Variants in GPR149 observed in about 807,000 individuals in gnomAD.
The protein encoded by GPR149 is G protein-coupled receptor 149, also known as probable G protein-coupled receptor 149.
In GPR149, 50 loss-of-function variants were observed where a neutral mutation model predicts 50.2. That is an observed-to-expected ratio of 1.00 (90% CI 0.79 to 1.26). The LOEUF is 1.26. Among genes scored for constraint, GPR149 ranks in the 50% most tolerant of loss-of-function variants. The probability of loss-of-function intolerance (pLI) is 0.00; values close to 1 mark genes in which losing one functional copy is unlikely to be tolerated. For synonymous variants in GPR149, 405 were observed against 358.2 expected (o/e 1.13, Z -1.48); for missense variants, 983 against 895.4 (o/e 1.10, Z -1.25).
intron 3 of GPR149, among the ~76,000 whole-genome samples, chr3:154,411,367 AACAAACAAAAAAAATTAAT>A (rs1711827402): frequency 6.6e-6 from 1 of 152,080 alleles, no homozygotes; most frequent in Non-Finnish European, 1.5e-5. Context: ...ATGAAATTGA[AACAAACAAAAAAAATTAAT>A]ACAAAAGATA....
intron 3 of GPR149, among the ~76,000 whole-genome samples, chr3:154,380,167 AG>A (rs1714885775): frequency 1.1e-3 from 2 of 1,840 alleles, no homozygotes; most frequent in African/African-American, 8.8e-3. Flanking sequence ...TGAGAGAGAC[AG>A]AGAGAGAGAG....
At chr3:154,400,748 A>G (rs1038482205) in intron 3 of GPR149, among the ~76,000 whole-genome samples, 1 of 152,256 alleles carries the variant, frequency 6.6e-6, no homozygotes, top group African/African-American at 2.4e-5. Flanking sequence ...TACGCAGTTA[A>G]TAAGAGTCAT....
chr3:154,335,060 GTT>G lies in GPR149; in HGVS notation c.*2637_*2638del, dbSNP rs1713622052. The G allele has an allele frequency of 6.6e-6, 1 of 151,856 alleles. No individual in the cohort carries two copies. Among genetic ancestry groups the G allele is most frequent in the African/African-American group, 2.4e-5 (1 of 41,362 alleles). 9.4% of individuals were successfully genotyped at this position (151,856 alleles called of 1,614,324 possible). On this transcript the variant is annotated 3_prime_UTR_variant, in exon 4 of 4. Transcript: ENST00000389740. The stretch of plus-strand genomic sequence containing the variant: ...AAGTCTTAGGGATTATATATTAGGT[GTT>G]TATACTATTTGGGAGTCTCGGGGAT...
intron 3 of GPR149, among the ~76,000 whole-genome samples, chr3:154,356,364 T>A (rs1247056624): frequency 1.3e-5 from 2 of 152,162 alleles, no homozygotes; most frequent in African/African-American, 4.8e-5. Context: ...TAAAGGGTAT[T>A]CAATCAGGAA....
chr3:154,350,201 TAAAAA>T (rs983292586), intron 3 of GPR149, among the ~76,000 whole-genome samples: 10 of 151,034 alleles, frequency 6.6e-5, no homozygotes, highest in African/African-American at 2.4e-4. Context: ...GTCTCAAAAA[TAAAAA>T]AGAAAAGAAA....
intron 3 of GPR149, among the ~76,000 whole-genome samples, chr3:154,417,758 T>C (rs1441727687): frequency 3.3e-5 from 5 of 151,996 alleles, no homozygotes; most frequent in Non-Finnish European, 7.4e-5. Context: ...AAGATAAAAA[T>C]GAAAGTCCTT....
chr3:154,342,784 G>GA lies in GPR149; in HGVS notation c.1624-4514dup, dbSNP rs1559968683. On this transcript the variant is annotated intron_variant, in intron 3 of 3. Transcript: ENST00000389740. ...GAATGCCCTCCATAAAACATAAACA[G>GA]AAAAAAACCCCAGCAGAAATAAAAA... Among the ~76,000 whole-genome samples the GA allele has an allele frequency of 4.6e-5, 7 of 151,874 alleles. No homozygotes were observed. In the South Asian group the frequency reaches 8.3e-4, roughly 18 times the overall value.
intron 3 of GPR149, among the ~76,000 whole-genome samples, chr3:154,397,102 T>G (rs1338306008): frequency 6.6e-6 from 1 of 152,068 alleles, no homozygotes; most frequent in African/African-American, 2.4e-5. Context: ...GAGCTTGAAT[T>G]TGAAATGGAA....
intron 3 of GPR149, among the ~76,000 whole-genome samples, chr3:154,388,867 GAA>G (rs758241751): frequency 0.084 from 12,206 of 145,560 alleles, 581 homozygotes; most frequent in East Asian, 0.19. Context: ...TCACACATAT[GAA>G]AAACACACAC....
chr3:154,341,292 C>CATATATATATATATATATAT (rs373212063), intron 3 of GPR149, among the ~76,000 whole-genome samples: 1 of 72,936 alleles, frequency 1.4e-5, no homozygotes, highest in Non-Finnish European at 2.5e-5. Flanking sequence ...AAAAATAAGA[C>CATATATATATATATATATAT]ATATATATAT....
chr3:154,425,539 GATA>G (rs1712267827), intron 2 of GPR149, among the ~76,000 whole-genome samples: 1 of 152,034 alleles, frequency 6.6e-6, no homozygotes, highest in Admixed American at 6.5e-5. Context: ...AGAATTTTCT[GATA>G]TCACAGCCTG....
At chr3:154,375,205 C>G (rs1273403668) in intron 3 of GPR149, among the ~76,000 whole-genome samples, 1 of 152,148 alleles carries the variant, frequency 6.6e-6, no homozygotes, top group African/African-American at 2.4e-5. Flanking sequence ...GAAACATTAC[C>G]TTCAAAAATT....
chr3:154,364,615 A>G (rs1211471164), intron 3 of GPR149, among the ~76,000 whole-genome samples: 1 of 152,254 alleles, frequency 6.6e-6, no homozygotes, highest in Non-Finnish European at 1.5e-5. Flanking sequence ...ATAGGCAAGA[A>G]GAAAGAAGTA....
At chr3:154,375,882 CCTGTTTTAG>C (rs1414880168) in intron 3 of GPR149, among the ~76,000 whole-genome samples, 1 of 152,150 alleles carries the variant, frequency 6.6e-6, no homozygotes, top group Non-Finnish European at 1.5e-5. Context: ...AAATTTGCTC[CCTGTTTTAG>C]CTGGAACATC....
chr3:154,359,080 A>G (rs890915857), intron 3 of GPR149, among the ~76,000 whole-genome samples: 4 of 152,198 alleles, frequency 2.6e-5, no homozygotes, highest in Admixed American at 2.0e-4. Flanking sequence ...CTATACGGGT[A>G]GTATGCATTA....
At position 154,404,054 on chromosome 3, in the gene GPR149, G is replaced by C. The variant is rs561554371; in HGVS notation, c.1623+16985C>G. Among the ~76,000 whole-genome samples, 3 of 152,342 alleles carry C rather than the reference G, an allele frequency of 2.0e-5. No individual in the cohort carries two copies. In the East Asian group the frequency reaches 5.8e-4, roughly 29 times the overall value. On this transcript the variant is annotated intron_variant, in intron 3 of 3. Transcript: ENST00000389740. ...GCAATTCTAGGATGTGTAACCAAGA[G>C]TGTCATTGCTGAAGCATAAGGCATG...
At chr3:154,346,989 G>T (rs1430506267) in intron 3 of GPR149, among the ~76,000 whole-genome samples, 1 of 152,122 alleles carries the variant, frequency 6.6e-6, no homozygotes, top group Non-Finnish European at 1.5e-5. Context: ...TGATCCTGCT[G>T]AATAAGAGCC....
intron 3 of GPR149, among the ~76,000 whole-genome samples, chr3:154,371,408 C>A (rs1408150348): frequency 1.6e-4 from 25 of 152,084 alleles, no homozygotes; most frequent in Non-Finnish European, 1.3e-4. Context: ...CTCCTTATAC[C>A]CCAATCTCGC....
chr3:154,359,436 A>G (rs1714327226), intron 3 of GPR149, among the ~76,000 whole-genome samples: 1 of 152,154 alleles, frequency 6.6e-6, no homozygotes, highest in Non-Finnish European at 1.5e-5. Context: ...AAGAAAGGGT[A>G]CCAGAGAGGG....
Sources: allele counts gnomAD v4.1 joint callset (sites outside exome capture counted in the v4.1 genomes callset), GRCh38; gene constraint gnomAD v4.1.1; transcripts MANE v1.5; gene names NCBI Gene and HGNC (gene_info 2026-07-23, HGNC 2026-07-21).